Variants in KCNQ3 observed in about 807,000 individuals in gnomAD.
KCNQ3 encodes potassium voltage-gated channel subfamily KQT member 3.
Under a neutral mutation model 92.5 loss-of-function variants are expected in KCNQ3, and 30 were observed. The ratio of observed to expected loss-of-function variants is 0.32; its 90% CI spans 0.24 to 0.44. KCNQ3 has a LOEUF of 0.44. Among genes scored for constraint, KCNQ3 ranks in the 20% least tolerant of loss-of-function variants. The pLI is 1.00. For missense variants in KCNQ3, 913 were observed against 1,140.3 expected, an observed-to-expected ratio of 0.80 and a Z score of 2.87; for synonymous variants, 450 against 468.8, an observed-to-expected ratio of 0.96 and a Z score of 0.52.
At chr8:132,461,122 G>C (rs529271777) in intron 1 of KCNQ3, among the ~76,000 whole-genome samples, 71 of 152,174 alleles carry the variant, frequency 4.7e-4, no homozygotes, top group African/African-American at 1.7e-3. Context: ...GATGTACAAT[G>C]GTTTGTTTAT....
intron 1 of KCNQ3, among the ~76,000 whole-genome samples, chr8:132,228,143 A>G (rs943757729): frequency 3.3e-5 from 5 of 152,226 alleles, no homozygotes; most frequent in African/African-American, 1.2e-4. Flanking sequence ...TTAATTTGTC[A>G]TAGATGTAAG....
At chr8:132,223,625 T>C (rs1360209584) in intron 1 of KCNQ3, among the ~76,000 whole-genome samples, 3 of 152,188 alleles carry the variant, frequency 2.0e-5, no homozygotes, top group African/African-American at 7.2e-5. Context: ...TTAAACTGCA[T>C]GAGATGATCA....
chr8:132,298,270 T>C (rs936553745), intron 1 of KCNQ3, among the ~76,000 whole-genome samples: 2 of 152,142 alleles, frequency 1.3e-5, no homozygotes, highest in Non-Finnish European at 2.9e-5. Flanking sequence ...GGTATGAGAT[T>C]TGATGAACAT....
At position 132,475,039 on chromosome 8, in the gene KCNQ3, G is replaced by A. The variant is rs149690253; in HGVS notation, c.386+5108C>T. 4.7e-3 allele frequency among the ~76,000 whole-genome samples: 709 copies of A among 152,224 alleles called. 8 individuals are homozygous for A. The highest frequency in any genetic ancestry group is 0.016 in the African/African-American group (672 of 41,514). On this transcript the variant is annotated intron_variant, in intron 1 of 14. Transcript: ENST00000388996. ...TAAGATCCAGTTGTTTGATAAGTGTGTGACTCTTCCCCTTCACTCTTGCGC... is the reference window on the plus strand; with the variant it reads ...TAAGATCCAGTTGTTTGATAAGTGTATGACTCTTCCCCTTCACTCTTGCGC...
chr8:132,354,989 A>G (rs1818978937), intron 1 of KCNQ3, among the ~76,000 whole-genome samples: 1 of 152,208 alleles, frequency 6.6e-6, no homozygotes, highest in Non-Finnish European at 1.5e-5. Flanking sequence ...CTAAGGATAT[A>G]GCCCCAGAAA....
intron 1 of KCNQ3, among the ~76,000 whole-genome samples, chr8:132,434,866 C>T (rs937896849): frequency 6.6e-6 from 1 of 152,074 alleles, no homozygotes; most frequent in Non-Finnish European, 1.5e-5. Flanking sequence ...AGGAGGTGAC[C>T]CCGGAAGAGG....
Position 132,226,420 on chromosome 8 carries a change from C to T in KCNQ3, c.387-40239G>A, listed in dbSNP as rs147055819. Among the ~76,000 whole-genome samples the T allele has an allele frequency of 2.6e-4, 39 of 152,038 alleles. No individual in the cohort carries two copies. The East Asian group carries it at 5.2e-3, about 20-fold the overall frequency. On this transcript the variant is annotated intron_variant, in intron 1 of 14. Coordinates refer to ENST00000388996, the MANE Select transcript of KCNQ3 (RefSeq NM_004519.4). Reference sequence around the variant, plus strand: ...GTGCATGGGTGTGTGTAAGTGTGGGCGCGCATGCGTGTGTAGGGGAGTGGA... The same window carrying T: ...GTGCATGGGTGTGTGTAAGTGTGGGTGCGCATGCGTGTGTAGGGGAGTGGA...
intron 1 of KCNQ3, among the ~76,000 whole-genome samples, chr8:132,245,040 T>C (rs1201142526): frequency 6.6e-6 from 1 of 151,806 alleles, no homozygotes; most frequent in African/African-American, 2.4e-5. Context: ...AACCACAATA[T>C]ACATACCTTT....
chr8:132,417,691 C>T (rs1820854858), intron 1 of KCNQ3, among the ~76,000 whole-genome samples: 1 of 152,210 alleles, frequency 6.6e-6, no homozygotes, highest in Non-Finnish European at 1.5e-5. Flanking sequence ...TTCATTCATT[C>T]ATTCATTCAT....
chr8:132,284,723 T>C (rs1014397580), intron 1 of KCNQ3, among the ~76,000 whole-genome samples: 1 of 152,234 alleles, frequency 6.6e-6, no homozygotes, highest in South Asian at 2.1e-4. Context: ...TAGGGTGGTT[T>C]AGATTTTTCC....
At chr8:132,284,867 T>C (rs937301408) in intron 1 of KCNQ3, among the ~76,000 whole-genome samples, 2 of 152,208 alleles carry the variant, frequency 1.3e-5, no homozygotes, top group Non-Finnish European at 2.9e-5. Context: ...CAGAAATGAA[T>C]TAATTCCCAT....
intron 1 of KCNQ3, among the ~76,000 whole-genome samples, chr8:132,246,120 A>G (rs1481816543): frequency 2.0e-5 from 3 of 152,206 alleles, no homozygotes; most frequent in African/African-American, 7.2e-5. Flanking sequence ...GGGCATGGCC[A>G]GGGGCCCTCA....
intron 9 of KCNQ3, among the ~76,000 whole-genome samples, chr8:132,149,484 C>T (rs1471307743): frequency 2.6e-5 from 4 of 152,158 alleles, no homozygotes; most frequent in African/African-American, 9.7e-5. Context: ...CCGGTTTCTT[C>T]CTACAACATT....
intron 1 of KCNQ3, among the ~76,000 whole-genome samples, chr8:132,231,142 C>T (rs905111517): frequency 6.6e-6 from 1 of 152,180 alleles, no homozygotes; most frequent in Non-Finnish European, 1.5e-5. Context: ...ACAGCAGAAG[C>T]TGGGAAGGGC....
intron 1 of KCNQ3, among the ~76,000 whole-genome samples, chr8:132,193,367 A>G (rs190310488): frequency 6.6e-6 from 1 of 152,344 alleles, no homozygotes; most frequent in East Asian, 1.9e-4. Flanking sequence ...CCTGCTTTGT[A>G]GCTGCACGTG....
chr8:132,253,864 G>A (rs1815492930), intron 1 of KCNQ3, among the ~76,000 whole-genome samples: 1 of 152,174 alleles, frequency 6.6e-6, no homozygotes, highest in Admixed American at 6.5e-5. Context: ...AAAATTTACT[G>A]TAGAAGAAAA....
At chr8:132,145,840 G>C (rs889610273) in intron 9 of KCNQ3, among the ~76,000 whole-genome samples, 1 of 152,218 alleles carries the variant, frequency 6.6e-6, no homozygotes, top group Non-Finnish European at 1.5e-5. Context: ...CAAGGATTAA[G>C]ATGATGGTGG....
chr8:132,236,844 C>T (rs1814831866), intron 1 of KCNQ3, among the ~76,000 whole-genome samples: 1 of 152,322 alleles, frequency 6.6e-6, no homozygotes, highest in Non-Finnish European at 1.5e-5. Context: ...CTGTCCATTG[C>T]TAGCTCTGAA....
At chr8:132,189,066 TG>T (rs1202647976) in intron 1 of KCNQ3, among the ~76,000 whole-genome samples, 2 of 152,162 alleles carry the variant, frequency 1.3e-5, no homozygotes, top group East Asian at 3.9e-4. Context: ...CTCACAGCCT[TG>T]TCATCTCCCG....
Sources: allele counts gnomAD v4.1 joint callset (sites outside exome capture counted in the v4.1 genomes callset), GRCh38; gene constraint gnomAD v4.1.1; transcripts MANE v1.5; gene names NCBI Gene and HGNC (gene_info 2026-07-23, HGNC 2026-07-21).